Variants in UGT1A8 observed in about 807,000 individuals in gnomAD.
UGT1A8 encodes the protein UDP glucuronosyltransferase family 1 member A8, also known as UDP-glucuronosyltransferase 1A8.
A neutral mutation model predicts 45.3 loss-of-function variants in UGT1A8; 39 were observed. The ratio of observed to expected loss-of-function variants is 0.86; its 90% CI spans 0.67 to 1.12. The LOEUF is 1.12. Ranked by LOEUF, UGT1A8 falls within the 50% of genes most tolerant of loss-of-function variation. The pLI is 0.00. For synonymous variants in UGT1A8, 275 were observed against 249.2 expected (o/e 1.10, Z -0.97); for missense variants, 719 against 664.9 (o/e 1.08, Z -0.90).
At position 233,768,234 on chromosome 2, in the gene UGT1A8, C is replaced by T. The variant is rs55750087; in HGVS notation, c.1090C>T (p.Arg364Cys). 85 of 1,614,044 alleles carry T rather than the reference C, an allele frequency of 5.3e-5. No homozygotes were observed. The highest frequency in any genetic ancestry group is 3.3e-4 in the Middle Eastern group (2 of 6,084). Residue 364 changes from arginine to cysteine, a missense_variant, in exon 4 of 5, where the codon CGT becomes TGT. Arg to Cys is a radical substitution (Grantham distance 180). Transcript: ENST00000373450. Reference sequence around the variant, plus strand: ...TTGCATCTCAGGTCACCCGATGACCCGTGCCTTTATCACCCATGCTGGTTC... The same window carrying T: ...TTGCATCTCAGGTCACCCGATGACCTGTGCCTTTATCACCCATGCTGGTTC... ...QNDLLGHPMT[R>C]AFITHAGSHG...
rs770662663 is a variant in UGT1A8, at chr2:233,769,604, A to G, written c.1295+1165A>G. 1.9e-6 allele frequency: 3 copies of G among 1,612,850 alleles called. No homozygotes were observed. In the South Asian group the frequency reaches 3.3e-5, roughly 18 times the overall value. On this transcript the variant is annotated intron_variant, in intron 4 of 4. Transcript: ENST00000373450. The surrounding 1 kb of genome is among the most constrained non-coding windows in gnomAD (Gnocchi z 4.4). ...AGATGAGAGGAGACGGAACACGGGG[A>G]CACACCAGCTTGAGCAAGGGACAAC...
At chr2:233,691,098 G>A (rs576470631) in intron 1 of UGT1A8, 8 of 986,052 alleles carry the variant, frequency 8.1e-6, no homozygotes, top group African/African-American at 1.7e-5. Context: ...TCTTGATCCC[G>A]CTATTCCTAC....
intron 1 of UGT1A8, among the ~76,000 whole-genome samples, chr2:233,628,269 G>T (rs2073128081): frequency 6.6e-6 from 1 of 151,936 alleles, no homozygotes; most frequent in Non-Finnish European, 1.5e-5. Context: ...CTGCAGTCAT[G>T]GCATAGCTTT....
chr2:233,719,247 G>T, intron 1 of UGT1A8: 1 of 1,614,186 alleles, frequency 6.2e-7, no homozygotes, highest in African/African-American at 1.3e-5. Context: ...GCACCTGAAT[G>T]CTACTTCCTT....
chr2:233,755,121 G>T, intron 1 of UGT1A8: 1 of 1,328,504 alleles, frequency 7.5e-7, no homozygotes. Context: ...GTAGGCCTCA[G>T]CCACCTGCTT....
At chr2:233,729,133 A>C (rs1363274885) in intron 1 of UGT1A8, 1 of 1,613,118 alleles carries the variant, frequency 6.2e-7, no homozygotes, top group Non-Finnish European at 8.5e-7. Flanking sequence ...TGAGATGGCC[A>C]CAGGACTCCA....
chr2:233,728,979 T>A, intron 1 of UGT1A8: 1 of 1,500,276 alleles, frequency 6.7e-7, no homozygotes, highest in Non-Finnish European at 8.9e-7. Flanking sequence ...AGATTAATGG[T>A]TAATAATTAA....
chr2:233,666,281 G>A (rs897189316), intron 1 of UGT1A8, among the ~76,000 whole-genome samples: 1 of 152,184 alleles, frequency 6.6e-6, no homozygotes, highest in Non-Finnish European at 1.5e-5. Context: ...AACACCTCCT[G>A]CTAAGCCCCA....
intron 1 of UGT1A8, among the ~76,000 whole-genome samples, chr2:233,645,687 T>C (rs1249395314): frequency 6.6e-6 from 1 of 152,224 alleles, no homozygotes; most frequent in Non-Finnish European, 1.5e-5. Context: ...ATCCAGGTCT[T>C]GCTGATGTAA....
chr2:233,657,528 T>C (rs2073882327), intron 1 of UGT1A8, among the ~76,000 whole-genome samples: 2 of 152,240 alleles, frequency 1.3e-5, no homozygotes, highest in South Asian at 4.1e-4. Flanking sequence ...ACTCACCCAT[T>C]ATCGGGAAAA....
chr2:233,643,155 G>A (rs2073501098), intron 1 of UGT1A8, among the ~76,000 whole-genome samples: 1 of 152,198 alleles, frequency 6.6e-6, no homozygotes, highest in South Asian at 2.1e-4. Context: ...GGTCCCCCAG[G>A]CCCTGGGTGG....
At chr2:233,656,448 G>T (rs571052320) in intron 1 of UGT1A8, among the ~76,000 whole-genome samples, 1 of 152,288 alleles carries the variant, frequency 6.6e-6, no homozygotes, top group Non-Finnish European at 1.5e-5. Flanking sequence ...GTCCGGTGGA[G>T]GTGCACTTGT....
chr2:233,691,450 C>T, intron 1 of UGT1A8: 2 of 985,704 alleles, frequency 2.0e-6, no homozygotes, highest in Non-Finnish European at 2.4e-6. Flanking sequence ...TTCTCCCTTC[C>T]TGGGCCCCAG....
At chr2:233,638,928 G>A (rs1324109285) in intron 1 of UGT1A8, among the ~76,000 whole-genome samples, 2 of 152,166 alleles carry the variant, frequency 1.3e-5, no homozygotes, top group Non-Finnish European at 2.9e-5. Flanking sequence ...TAAGAGGTTG[G>A]ACTTATCAAA....
intron 1 of UGT1A8, among the ~76,000 whole-genome samples, chr2:233,764,385 C>A (rs1299567681): frequency 6.6e-6 from 1 of 152,140 alleles, no homozygotes; most frequent in African/African-American, 2.4e-5. Context: ...AGGAGTTGGC[C>A]GTGATGACAA....
chr2:233,637,471 G>A, intron 1 of UGT1A8: 1 of 1,498,132 alleles, frequency 6.7e-7, no homozygotes, highest in Non-Finnish European at 8.9e-7. Flanking sequence ...ATTTTCGTTT[G>A]TTGCATTTCA....
chr2:233,713,117 C>T (rs1559358887), intron 1 of UGT1A8: 1 of 1,614,102 alleles, frequency 6.2e-7, no homozygotes, highest in Non-Finnish European at 8.5e-7. Flanking sequence ...GCCACTGGCT[C>T]AGCATGCGGG....
At chr2:233,705,436 T>C (rs1284640676) in intron 1 of UGT1A8, among the ~76,000 whole-genome samples, 1 of 152,232 alleles carries the variant, frequency 6.6e-6, no homozygotes, top group Non-Finnish European at 1.5e-5. Context: ...TAACTTATCC[T>C]TCAGAATTGC....
chr2:233,764,019 G>A (rs970114557), intron 1 of UGT1A8, among the ~76,000 whole-genome samples: 1 of 152,200 alleles, frequency 6.6e-6, no homozygotes, highest in Non-Finnish European at 1.5e-5. Context: ...CCCACATGGT[G>A]TCTAAGTGCT....
Sources: allele counts gnomAD v4.1 joint callset (sites outside exome capture counted in the v4.1 genomes callset), GRCh38; gene constraint gnomAD v4.1.1; non-coding constraint Gnocchi (gnomAD v3.1); transcripts MANE v1.5; gene names NCBI Gene and HGNC (gene_info 2026-07-23, HGNC 2026-07-21).